Variants in MGAT5 observed in about 807,000 individuals in gnomAD.
MGAT5 encodes the protein alpha-1,6-mannosylglycoprotein 6-beta-N-acetylglucosaminyltransferase A.
Under a neutral mutation model 94.3 loss-of-function variants are expected in MGAT5, and 30 were observed. That is an observed-to-expected ratio of 0.32 (90% confidence interval 0.24 to 0.43). The LOEUF (loss-of-function observed/expected upper bound fraction) is 0.43. Among genes scored for constraint, MGAT5 ranks in the 20% least tolerant of loss-of-function variants. MGAT5 has a pLI of 1.00. For synonymous variants in MGAT5, 310 were observed against 322.9 expected, an observed-to-expected ratio of 0.96 and a Z score of 0.43; for missense variants, 691 against 905.5, an observed-to-expected ratio of 0.76 and a Z score of 3.04.
rs1357134276 is a variant in MGAT5 at position 134,454,316 on chromosome 2, G to T, written c.*5469G>T. 1.3e-5 allele frequency: 2 copies of T among 152,218 alleles called. No individual in the cohort carries two copies. Among genetic ancestry groups the T allele is most frequent in the Non-Finnish European group, 2.9e-5 (2 of 68,034 alleles). The allele number at this position is 152,218 out of a possible 1,614,324, so 9.4% of individuals were successfully genotyped here. On this transcript the variant is annotated 3_prime_UTR_variant, in exon 16 of 16. Coordinates refer to ENST00000281923, the MANE Select transcript of MGAT5 (RefSeq NM_002410.5). ...GAACTTGGGAAGCATTTTGCTCATT[G>T]TCCTACCCAAGTATTAATAGCATAA...
In MGAT5 at chr2:134,254,357, T is replaced by C. The variant is rs1682800534; in HGVS notation, c.-47T>C. The C allele has an allele frequency of 6.2e-7, 1 of 1,605,232 alleles. No individual in the cohort carries two copies. The highest frequency in any genetic ancestry group is 1.7e-4 in the Middle Eastern group (1 of 5,822). ...AACCTACACCATGAATTTGTGTCTA[T>C]CTTCTACGCGTTAAGAGCCAAGGAC... On this transcript the variant is annotated 5_prime_UTR_variant, in exon 1 of 16. Transcript: ENST00000281923.
At chr2:134,317,714 G>C in intron 3 of MGAT5, 109 bp downstream of exon 3, 1 of 671,592 alleles carries the variant, frequency 1.5e-6, no homozygotes, top group South Asian at 2.5e-5. Context: ...CCCTTGACAT[G>C]GATCATTTAT....
chr2:134,347,244 C>T (rs1448550036), intron 8 of MGAT5, among the ~76,000 whole-genome samples: 1 of 152,138 alleles, frequency 6.6e-6, no homozygotes, highest in African/African-American at 2.4e-5. Flanking sequence ...TAAATTAAAC[C>T]TAGATAAGCT....
chr2:134,352,709 T>C (rs1327963540), intron 9 of MGAT5, among the ~76,000 whole-genome samples: 1 of 152,180 alleles, frequency 6.6e-6, no homozygotes, highest in African/African-American at 2.4e-5. Flanking sequence ...AAAAGAGAAA[T>C]ACTCCAAGGA....
intron 2 of MGAT5, among the ~76,000 whole-genome samples, chr2:134,300,495 C>T (rs1685949108): frequency 6.6e-6 from 1 of 152,072 alleles, no homozygotes; most frequent in Non-Finnish European, 1.5e-5. Flanking sequence ...GCTTTGGGCC[C>T]AACACTATAC....
At chr2:134,310,099 A>C (rs1250166229) in intron 2 of MGAT5, among the ~76,000 whole-genome samples, 1 of 152,168 alleles carries the variant, frequency 6.6e-6, no homozygotes, top group Non-Finnish European at 1.5e-5. Flanking sequence ...GTTGAGTTCC[A>C]TTATGTCCAT....
chr2:134,254,065 C>G (rs1682781817), upstream of MGAT5, among the ~76,000 whole-genome samples: 1 of 152,192 alleles, frequency 6.6e-6, no homozygotes, highest in African/African-American at 2.4e-5. Context: ...CGCACACTTC[C>G]CCCTTCATAA....
intron 13 of MGAT5, among the ~76,000 whole-genome samples, chr2:134,426,885 T>C (rs1198771450): frequency 6.6e-6 from 1 of 152,198 alleles, no homozygotes; most frequent in Non-Finnish European, 1.5e-5. Flanking sequence ...GAGTGACCTC[T>C]CTGTTCTTGT....
intron 1 of MGAT5, among the ~76,000 whole-genome samples, chr2:134,176,789 G>A (rs941000712): frequency 5.9e-5 from 9 of 152,228 alleles, no homozygotes; most frequent in Admixed American, 1.3e-4. Flanking sequence ...TGGTGGACTG[G>A]CAGTGTGCTG....
At chr2:134,436,854 G>A (rs574679564) in intron 14 of MGAT5, among the ~76,000 whole-genome samples, 9 of 152,290 alleles carry the variant, frequency 5.9e-5, no homozygotes, top group Middle Eastern at 3.4e-3. Context: ...GACCAGACTG[G>A]GTAACACACC....
chr2:134,310,310 G>A (rs908519718), intron 2 of MGAT5, among the ~76,000 whole-genome samples: 6 of 152,302 alleles, frequency 3.9e-5, no homozygotes, highest in South Asian at 2.1e-4. Flanking sequence ...CAAATGCCTC[G>A]TTGAACATGC....
intron 2 of MGAT5, among the ~76,000 whole-genome samples, chr2:134,292,700 G>C (rs1244155406): frequency 1.3e-5 from 2 of 152,100 alleles, no homozygotes; most frequent in African/African-American, 4.8e-5. Flanking sequence ...TTTCCTGTTA[G>C]GATCTACCTT....
intron 12 of MGAT5, among the ~76,000 whole-genome samples, chr2:134,414,510 A>G (rs1683858870): frequency 6.6e-6 from 1 of 152,214 alleles, no homozygotes; most frequent in African/African-American, 2.4e-5. Flanking sequence ...GACAAAAAAT[A>G]TGCTTAAGGT....
At chr2:134,363,922 G>C (rs1287317057) in intron 10 of MGAT5, among the ~76,000 whole-genome samples, 1 of 152,186 alleles carries the variant, frequency 6.6e-6, no homozygotes, top group African/African-American at 2.4e-5. Flanking sequence ...TGCTCAGCTT[G>C]TTTGTGAAAT....
Position 134,362,332 on chromosome 2 carries a change from G to C in MGAT5, c.1304G>C (p.Ser435Thr), listed in dbSNP as rs201296930. 24 of 1,614,094 alleles carry C rather than the reference G, an allele frequency of 1.5e-5. No individual in the cohort carries two copies. In the Admixed American group the frequency reaches 3.0e-4, roughly 20 times the overall value. ...GFVVEQHLNSSDIHHINEIKR... is the reference protein window; with the variant it reads ...GFVVEQHLNSTDIHHINEIKR... The stretch of plus-strand genomic sequence containing the variant: ...GTGGTTGAGCAGCACCTGAACTCCA[G>C]TGATATCCACCACATTAATGAAATC... Residue 435 changes from serine (S) to threonine (T), a missense_variant, in exon 10 of 16, where the codon AGT becomes ACT. Coordinates refer to ENST00000281923, the MANE Select transcript of MGAT5 (RefSeq NM_002410.5).
chr2:134,323,747 C>T (rs1009209885), intron 4 of MGAT5, among the ~76,000 whole-genome samples: 3 of 152,062 alleles, frequency 2.0e-5, no homozygotes, highest in Non-Finnish European at 2.9e-5. Flanking sequence ...TCCATAATTT[C>T]GATACCCTAC....
intron 1 of MGAT5, among the ~76,000 whole-genome samples, chr2:134,201,069 T>A (rs995654166): frequency 3.9e-5 from 6 of 152,014 alleles, no homozygotes; most frequent in African/African-American, 1.2e-4. Flanking sequence ...TGTGTGCCAC[T>A]ACTCCCTGCT....
chr2:134,299,411 A>G (rs1380705790), intron 2 of MGAT5, among the ~76,000 whole-genome samples: 3 of 152,214 alleles, frequency 2.0e-5, no homozygotes, highest in Non-Finnish European at 2.9e-5. Context: ...GAAGTTTCAC[A>G]GATAGAGGAG....
At chr2:134,387,338 T>A (rs1352401689) in intron 10 of MGAT5, among the ~76,000 whole-genome samples, 57 of 79,726 alleles carry the variant, frequency 7.1e-4, no homozygotes, top group South Asian at 9.2e-4. Context: ...ATATATTTTT[T>A]TTTTTTTTTT....
Sources: gnomAD v4.1 joint callset for allele counts (sites outside exome capture counted in the v4.1 genomes callset) on GRCh38, gnomAD v4.1.1 for gene constraint, MANE v1.5 for transcripts, NCBI Gene and HGNC (gene_info 2026-07-23, HGNC 2026-07-21) for gene names.